The following WWC2 variants were observed in gnomAD, a reference collection of about 807,000 sequenced individuals.
The protein encoded by WWC2 is WW and C2 domain containing 2, also known as protein WWC2.
A neutral mutation model predicts 138.5 loss-of-function variants in WWC2; 101 were observed. That is an observed-to-expected ratio of 0.73 (90% CI 0.62 to 0.86). The LOEUF (loss-of-function observed/expected upper bound fraction) is 0.86. Ranked by LOEUF, WWC2 falls within the 40% of genes least tolerant of loss-of-function variation. WWC2 has a pLI of 0.00. For missense variants in WWC2, 1,420 were observed against 1,419.4 expected, an observed-to-expected ratio of 1.00 and a Z score of -0.01; for synonymous variants, 558 against 538.4, an observed-to-expected ratio of 1.04 and a Z score of -0.50.
rs118094647 is a variant in WWC2 at position 183,249,097 on chromosome 4, A to G, written c.879+237A>G. Among the ~76,000 whole-genome samples, 4 of 152,208 alleles carry G rather than the reference A, an allele frequency of 2.6e-5. No individual in the cohort carries two copies. The East Asian group carries it at 5.8e-4, about 22-fold the overall frequency. On this transcript the variant is annotated intron_variant, in intron 7 of 22. Transcript: ENST00000403733. ...CTTTGTTCAAACTTTCTCATGCTAT[A>G]TTCCTTTAGAGACACGCTGAAAGGC...
At chr4:183,279,839 G>A (rs1448323805) in intron 16 of WWC2, among the ~76,000 whole-genome samples, 1 of 151,974 alleles carries the variant, frequency 6.6e-6, no homozygotes, top group Non-Finnish European at 1.5e-5. Context: ...TGATTTTTCA[G>A]CAGTTTCACT....
At chr4:183,133,144 TTTTTTTTC>T (rs528617545) in intron 1 of WWC2, among the ~76,000 whole-genome samples, 4,440 of 141,850 alleles carry the variant, frequency 0.031, 82 homozygotes, top group African/African-American at 0.043. Context: ...TCTTTCTTTC[TTTTTTTTC>T]TTTTTTTTTT....
At chr4:183,262,200 G>A (rs778016353) in intron 11 of WWC2, among the ~76,000 whole-genome samples, 2 of 152,212 alleles carry the variant, frequency 1.3e-5, no homozygotes, top group African/African-American at 2.4e-5. Context: ...CCTTTGCAAA[G>A]CAGGAACTTT....
chr4:183,186,726 T>G (rs59611345), intron 1 of WWC2, among the ~76,000 whole-genome samples: 3,908 of 152,006 alleles, frequency 0.026, 171 homozygotes, highest in African/African-American at 0.091. Flanking sequence ...GTGGGGTGTG[T>G]GGGTCTCAGG....
intron 4 of WWC2, among the ~76,000 whole-genome samples, chr4:183,218,744 A>G (rs561147686): frequency 4.6e-5 from 7 of 152,142 alleles, no homozygotes; most frequent in Non-Finnish European, 1.0e-4. Flanking sequence ...ATGAAGTCCA[A>G]AGGCAGTCTG....
chr4:183,227,928 A>G (rs1393580489), intron 4 of WWC2, among the ~76,000 whole-genome samples: 1 of 152,020 alleles, frequency 6.6e-6, no homozygotes, highest in Non-Finnish European at 1.5e-5. Flanking sequence ...ATACAGGGCA[A>G]ATGAGTCTAA....
intron 4 of WWC2, among the ~76,000 whole-genome samples, chr4:183,224,522 TAACC>T (rs902912354): frequency 1.3e-5 from 2 of 152,212 alleles, no homozygotes; most frequent in Non-Finnish European, 2.9e-5. Flanking sequence ...CTGCCAGAGA[TAACC>T]AACAGAGTTG....
In WWC2 at chr4:183,156,152, G is replaced by C. The variant is rs1328439609; in HGVS notation, c.132-37447G>C. 6.0e-5 allele frequency among the ~76,000 whole-genome samples: 9 copies of C among 151,214 alleles called. 1 individual carries two copies. The highest frequency in any genetic ancestry group is 5.3e-4 in the Admixed American group (8 of 15,176). ...AGCTATTCTCCTGCCTCAGCCTCTT[G>C]AGTAGCTCGGATTACAGGTGCCGCT... On this transcript the variant is annotated intron_variant, in intron 1 of 22. Coordinates refer to ENST00000403733, the MANE Select transcript of WWC2 (RefSeq NM_024949.6).
At chr4:183,140,790 A>G (rs891844295) in intron 1 of WWC2, among the ~76,000 whole-genome samples, 1 of 152,210 alleles carries the variant, frequency 6.6e-6, no homozygotes. Context: ...TATAGTTTTT[A>G]TAATAAAAGC....
chr4:183,106,275 C>T (rs1032141786), intron 1 of WWC2, among the ~76,000 whole-genome samples: 10 of 152,166 alleles, frequency 6.6e-5, no homozygotes, highest in Admixed American at 3.9e-4. Flanking sequence ...TGAGCCACCA[C>T]GCCCGGCTGA....
chr4:183,189,467 A>T (rs1449103312), intron 1 of WWC2, among the ~76,000 whole-genome samples: 1 of 151,936 alleles, frequency 6.6e-6, no homozygotes, highest in African/African-American at 2.4e-5. Context: ...TTTCGAGGGA[A>T]CTAATTGACA....
intron 1 of WWC2, among the ~76,000 whole-genome samples, chr4:183,139,311 G>A (rs62336598): frequency 0.025 from 3,804 of 152,232 alleles, 57 homozygotes; most frequent in Non-Finnish European, 0.029. Flanking sequence ...ACCTCTGTAT[G>A]CTCAGAAATC....
chr4:183,128,609 G>A (rs949462129), intron 1 of WWC2, among the ~76,000 whole-genome samples: 3 of 152,070 alleles, frequency 2.0e-5, no homozygotes, highest in South Asian at 2.1e-4. Context: ...TTTTTTGATT[G>A]TGTCTTCCAA....
chr4:183,182,412 G>A (rs533201984), intron 1 of WWC2, among the ~76,000 whole-genome samples: 23 of 152,270 alleles, frequency 1.5e-4, no homozygotes, highest in African/African-American at 5.1e-4. Flanking sequence ...TATTTGTTTG[G>A]ACAATAATCC....
chr4:183,226,271 T>C (rs1736071899), intron 4 of WWC2, among the ~76,000 whole-genome samples: 1 of 151,962 alleles, frequency 6.6e-6, no homozygotes, highest in South Asian at 2.1e-4. Flanking sequence ...CTAATTTTTG[T>C]ATTTTATGTA....
chr4:183,176,094 C>A (rs1275042160), intron 1 of WWC2, among the ~76,000 whole-genome samples: 1 of 152,162 alleles, frequency 6.6e-6, no homozygotes, highest in African/African-American at 2.4e-5. Flanking sequence ...ATCAAACATT[C>A]CTCACATTCC....
chr4:183,186,654 G>C (rs1249542570), intron 1 of WWC2, among the ~76,000 whole-genome samples: 1 of 152,166 alleles, frequency 6.6e-6, no homozygotes, highest in African/African-American at 2.4e-5. Flanking sequence ...GGAGCGGCTG[G>C]GGTAAGGGCA....
chr4:183,248,514 C>T (rs1347876783), intron 6 of WWC2, among the ~76,000 whole-genome samples, 200 bp from the exon 7 acceptor site: 2 of 152,120 alleles, frequency 1.3e-5, no homozygotes. Context: ...AATATGATCT[C>T]GCTTCCAAAG....
intron 1 of WWC2, among the ~76,000 whole-genome samples, chr4:183,135,809 C>A (rs756064007): frequency 6.6e-6 from 1 of 152,082 alleles, no homozygotes; most frequent in Non-Finnish European, 1.5e-5. Context: ...TCATTTTTGA[C>A]AGATTTTTTG....
Sources: allele counts gnomAD v4.1 joint callset (sites outside exome capture counted in the v4.1 genomes callset), GRCh38; gene constraint gnomAD v4.1.1; transcripts MANE v1.5; gene names NCBI Gene and HGNC (gene_info 2026-07-23, HGNC 2026-07-21).